Variants in LOXL2 observed in about 807,000 individuals in gnomAD.
The protein encoded by LOXL2 is lysyl oxidase homolog 2.
LOXL2 carries 70 observed loss-of-function variants against 93.0 expected under a neutral mutation model. The ratio of observed to expected loss-of-function variants is 0.75; its 90% CI spans 0.62 to 0.92. The LOEUF is 0.92. LOXL2 is among the 40% of genes least tolerant of loss of function. The pLI is 0.00. For synonymous variants in LOXL2, 438 were observed against 413.2 expected, an observed-to-expected ratio of 1.06 and a Z score of -0.73; for missense variants, 973 against 1,054.9, an observed-to-expected ratio of 0.92 and a Z score of 1.08.
intron 7 of LOXL2, chr8:23,321,618 G>A (rs1310112709): frequency 2.5e-5 from 4 of 158,022 alleles, no homozygotes; most frequent in South Asian, 1.9e-4. Flanking sequence ...TGCCAGGGAA[G>A]GTCAAGCCCT....
chr8:23,337,626 G>A (rs1014608008), intron 4 of LOXL2, among the ~76,000 whole-genome samples: 1 of 152,202 alleles, frequency 6.6e-6, no homozygotes, highest in Non-Finnish European at 1.5e-5. Flanking sequence ...TTCCTCAGCT[G>A]CAACATTAAA....
chr8:23,303,721 A>G (rs1198690296), intron 10 of LOXL2, among the ~76,000 whole-genome samples: 1 of 152,178 alleles, frequency 6.6e-6, no homozygotes, highest in Non-Finnish European at 1.5e-5. Flanking sequence ...ATAAGCACAG[A>G]ACTCCAGCTA....
chr8:23,379,317 C>T (rs562197929), intron 1 of LOXL2, among the ~76,000 whole-genome samples: 2 of 152,308 alleles, frequency 1.3e-5, no homozygotes, highest in East Asian at 1.9e-4. Context: ...AGAGGGGTAC[C>T]CAGCCGTGTG....
chr8:23,370,434 C>A (rs1804476164), intron 1 of LOXL2, among the ~76,000 whole-genome samples: 1 of 152,210 alleles, frequency 6.6e-6, no homozygotes, highest in South Asian at 2.1e-4. Flanking sequence ...CAGAAACCAC[C>A]TCTTTGTCAT....
chr8:23,349,867 A>G (rs565014649), intron 3 of LOXL2, among the ~76,000 whole-genome samples: 1 of 152,098 alleles, frequency 6.6e-6, no homozygotes, highest in Non-Finnish European at 1.5e-5. Context: ...TTTTTTCAAA[A>G]TCCAACAACA....
chr8:23,336,870 TGGAGAACTG>T (rs1803801345), intron 4 of LOXL2: 1 of 152,154 alleles, frequency 6.6e-6, no homozygotes, highest in Non-Finnish European at 1.5e-5. Flanking sequence ...AAGGTGTCTT[TGGAGAACTG>T]GGAGAAAGAA....
intron 9 of LOXL2, 48 bp downstream of exon 9, chr8:23,316,901 T>C: frequency 6.7e-7 from 1 of 1,492,662 alleles, no homozygotes; most frequent in South Asian, 1.3e-5. Context: ...CTGGTGGGAC[T>C]CTGGTCCCCT....
intron 2 of LOXL2, among the ~76,000 whole-genome samples, chr8:23,367,523 C>T (rs187990415): frequency 6.6e-6 from 1 of 152,050 alleles, no homozygotes; most frequent in Non-Finnish European, 1.5e-5. Flanking sequence ...AGGTGGGGGG[C>T]GTCAGGGAGC....
intron 4 of LOXL2, 80 bp downstream of exon 4, chr8:23,340,912 C>T (rs1289077207): frequency 2.8e-5 from 37 of 1,323,184 alleles, no homozygotes; most frequent in Non-Finnish European, 3.9e-5. Flanking sequence ...AAGGAAAGGC[C>T]ACCACCAGGG....
In LOXL2 at chr8:23,298,131, C is replaced by A. The variant is rs180912393; in HGVS notation, c.2246-9G>T. The A allele has an allele frequency of 6.2e-7, 1 of 1,609,936 alleles. No homozygotes were observed. On this transcript the variant is annotated splice_polypyrimidine_tract_variant and intron_variant, in intron 13 of 13. Coordinates refer to ENST00000389131, the MANE Select transcript of LOXL2 (RefSeq NM_002318.3). ...TTCGCTGAAGGAACCACCTGAAGAG[C>A]GAGAATCGGGTAGAGAGAGTGGACA... is the stretch of plus-strand genomic sequence containing the variant.
At chr8:23,300,648 T>C (rs1803113808) in intron 12 of LOXL2, among the ~76,000 whole-genome samples, 1 of 152,246 alleles carries the variant, frequency 6.6e-6, no homozygotes, top group African/African-American at 2.4e-5. Flanking sequence ...GCTAATTGTA[T>C]TGTTTAGGGG....
rs1380224961 is a variant in LOXL2 at position 23,376,986 on chromosome 8, TG to T, written c.-83-8553del. ...TTATTTCTTGCCTTCTGCTAGCTTTTGAATGTGTTTCCTCTTGCTTCTCTAG... is the reference window on the plus strand; with the variant it reads ...TTATTTCTTGCCTTCTGCTAGCTTTTAATGTGTTTCCTCTTGCTTCTCTAG... On this transcript the variant is annotated intron_variant, in intron 1 of 13. Coordinates refer to ENST00000389131, the MANE Select transcript of LOXL2 (RefSeq NM_002318.3). Among the ~76,000 whole-genome samples the T allele has an allele frequency of 1.6e-4, 24 of 152,216 alleles. 1 individual carries two copies. The highest frequency in any genetic ancestry group is 9.2e-4 in the Admixed American group (14 of 15,276).
At chr8:23,382,763 C>G (rs973484251) in intron 1 of LOXL2, among the ~76,000 whole-genome samples, 2 of 152,150 alleles carry the variant, frequency 1.3e-5, no homozygotes, top group African/African-American at 4.8e-5. Flanking sequence ...AACCCTGCTC[C>G]AACATCAGTG....
intron 9 of LOXL2, among the ~76,000 whole-genome samples, chr8:23,316,152 C>T (rs959702709): frequency 1.3e-5 from 2 of 152,216 alleles, no homozygotes; most frequent in Admixed American, 6.5e-5. Context: ...TCCGTGATGG[C>T]AGGATGACAG....
Position 23,319,877 on chromosome 8 carries a change from C to T in LOXL2, c.1470+8G>A. ...GTGAATGCGGGGTCTGAGGCCGGGG[C>T]TTCTCACCTGGAAGGCGTTGCTGGC... On this transcript the variant is annotated splice_region_variant and intron_variant, in intron 8 of 13. Transcript: ENST00000389131. 1 of 1,612,392 alleles carries T rather than the reference C, an allele frequency of 6.2e-7. No individual in the cohort carries two copies. Among genetic ancestry groups the T allele is most frequent in the Non-Finnish European group, 8.5e-7 (1 of 1,179,644 alleles).
At position 23,297,822 on chromosome 8, in the gene LOXL2, C is replaced by T. The variant is rs1803061323; in HGVS notation, c.*221G>A. Reference sequence around the variant, plus strand: ...GCAGCTCTGTGGACAAACCCCACCCCCGCAAGGCCTTCTCAGGCCCCAAGG... The same window carrying T: ...GCAGCTCTGTGGACAAACCCCACCCTCGCAAGGCCTTCTCAGGCCCCAAGG... On this transcript the variant is annotated 3_prime_UTR_variant, in exon 14 of 14. Coordinates refer to ENST00000389131, the MANE Select transcript of LOXL2 (RefSeq NM_002318.3). The T allele has an allele frequency of 1.9e-6, 1 of 526,988 alleles. No homozygotes were observed. The highest frequency in any genetic ancestry group is 3.4e-6 in the Non-Finnish European group (1 of 294,912). 32.6% of individuals were successfully genotyped at this position (526,988 alleles called of 1,614,324 possible).
intron 10 of LOXL2, among the ~76,000 whole-genome samples, chr8:23,305,168 A>G (rs1803209755): frequency 6.6e-6 from 1 of 152,226 alleles, no homozygotes; most frequent in Non-Finnish European, 1.5e-5. Flanking sequence ...TGCATCGCTC[A>G]GAGAGGGGCT....
chr8:23,319,697 C>T (rs73224442), intron 8 of LOXL2, among the ~76,000 whole-genome samples, 188 bp downstream of exon 8: 2,347 of 152,202 alleles, frequency 0.015, 41 homozygotes, highest in Non-Finnish European at 0.021. Flanking sequence ...GCGACCTGCC[C>T]GAGGACTCAG....
At chr8:23,371,751 CAAAAAAAAAAAAAAAAAAAAAAA>C (rs55780832) in intron 1 of LOXL2, among the ~76,000 whole-genome samples, 4 of 43,886 alleles carry the variant, frequency 9.1e-5, no homozygotes, top group African/African-American at 2.2e-4. Context: ...GAGTCTGTCT[CAAAAAAAAAAAAAAAAAAAAAAA>C]AAAAAAAAAA....
Sources: gnomAD v4.1 joint callset for allele counts (sites outside exome capture counted in the v4.1 genomes callset) on GRCh38, gnomAD v4.1.1 for gene constraint, MANE v1.5 for transcripts, NCBI Gene and HGNC (gene_info 2026-07-23, HGNC 2026-07-21) for gene names.